Variants in DOCK10 observed in about 807,000 individuals in gnomAD.
The protein encoded by DOCK10 is dedicator of cytokinesis protein 10.
DOCK10 carries 145 observed loss-of-function variants against 280.1 expected under a neutral mutation model. The ratio of observed to expected loss-of-function variants is 0.52; its 90% CI spans 0.45 to 0.59. The LOEUF is 0.59. Among genes scored for constraint, DOCK10 ranks in the 20% least tolerant of loss-of-function variants. DOCK10 has a pLI of 0.00. For synonymous variants in DOCK10, 915 were observed against 942.2 expected (o/e 0.97, Z 0.53); for missense variants, 2,368 against 2,651.7 (o/e 0.89, Z 2.35).
intron 1 of DOCK10, among the ~76,000 whole-genome samples, chr2:224,964,481 T>C (rs980704609): frequency 1.0e-5 from 1 of 96,586 alleles, no homozygotes; most frequent in African/African-American, 3.2e-5. Context: ...TCTTTCTTTC[T>C]TCTTTTTTTT....
At chr2:225,011,349 G>C (rs539600361) in intron 1 of DOCK10, among the ~76,000 whole-genome samples, 54 of 152,310 alleles carry the variant, frequency 3.5e-4, no homozygotes, top group African/African-American at 1.3e-3. Flanking sequence ...CATGCTGGAA[G>C]TTTCAGCTTC....
intron 29 of DOCK10, among the ~76,000 whole-genome samples, chr2:224,819,077 G>T: frequency 6.6e-6 from 1 of 152,130 alleles, no homozygotes; most frequent in Non-Finnish European, 1.5e-5. Flanking sequence ...ATTTGGGTAG[G>T]GTATTCAACT....
intron 1 of DOCK10, among the ~76,000 whole-genome samples, chr2:224,961,468 T>TTCTTTCTTTCTTTC (rs10672849): frequency 0.033 from 2,201 of 66,650 alleles, 70 homozygotes; most frequent in East Asian, 0.053. Context: ...CTTTCTTTCT[T>TTCTTTCTTTCTTTC]TTTCTTTCTT....
chr2:224,833,461 T>A (rs570084521), intron 26 of DOCK10, among the ~76,000 whole-genome samples: 4 of 150,742 alleles, frequency 2.7e-5, no homozygotes, highest in East Asian at 1.9e-4. Context: ...AGCATCCCCA[T>A]GGCCAGCACC....
chr2:224,934,521 C>T (rs950455845), intron 1 of DOCK10, among the ~76,000 whole-genome samples: 3 of 152,218 alleles, frequency 2.0e-5, no homozygotes, highest in Admixed American at 6.5e-5. Flanking sequence ...CCAAAGTTGT[C>T]ACAGATGCTT....
At chr2:224,809,670 A>AC (rs1693631698) in intron 31 of DOCK10, among the ~76,000 whole-genome samples, 1 of 152,156 alleles carries the variant, frequency 6.6e-6, no homozygotes, top group African/African-American at 2.4e-5. Flanking sequence ...ATTACCTCAT[A>AC]GTTTTTAGGA....
intron 1 of DOCK10, among the ~76,000 whole-genome samples, chr2:224,999,576 T>C (rs1384377115): frequency 1.3e-5 from 2 of 150,228 alleles, no homozygotes; most frequent in African/African-American, 2.4e-5. Flanking sequence ...TGCTAGACAA[T>C]ATCCCAGGCC....
chr2:224,809,418 T>G (rs185002063), intron 31 of DOCK10, among the ~76,000 whole-genome samples: 6 of 152,132 alleles, frequency 3.9e-5, no homozygotes, highest in Admixed American at 1.3e-4. Flanking sequence ...AACTACAGAT[T>G]GGGAGAAAAT....
At chr2:224,983,865 C>T in intron 1 of DOCK10, 1 of 471,106 alleles carries the variant, frequency 2.1e-6, no homozygotes, top group East Asian at 6.9e-5. Context: ...CCCTAACTCC[C>T]TCTGGACATT....
chr2:224,853,641 C>G (rs532302007), intron 16 of DOCK10, among the ~76,000 whole-genome samples: 9 of 152,164 alleles, frequency 5.9e-5, no homozygotes, highest in African/African-American at 2.2e-4. Context: ...TCAGTAGATA[C>G]GGTTTATTTA....
intron 1 of DOCK10, among the ~76,000 whole-genome samples, chr2:224,956,286 C>T (rs891689447): frequency 4.6e-5 from 7 of 152,180 alleles, no homozygotes; most frequent in Admixed American, 4.6e-4. Flanking sequence ...TAACCAGGAG[C>T]TCAGTAGCTC....
At chr2:225,023,697 C>T (rs1689843409) in intron 1 of DOCK10, among the ~76,000 whole-genome samples, 1 of 152,132 alleles carries the variant, frequency 6.6e-6, no homozygotes, top group Non-Finnish European at 1.5e-5. Flanking sequence ...TGCACCTGCA[C>T]ACCAAGAGAT....
chr2:224,883,510 G>T (rs997220467), intron 7 of DOCK10, among the ~76,000 whole-genome samples: 20 of 152,296 alleles, frequency 1.3e-4, no homozygotes, highest in African/African-American at 4.8e-4. Context: ...GGAAGAATTA[G>T]GGGAGAAAGG....
At position 224,982,187 on chromosome 2, in the gene DOCK10, C is replaced by T. The variant is rs574069241; in HGVS notation, c.124-50519G>A. On this transcript the variant is annotated intron_variant, in intron 1 of 55. Coordinates refer to ENST00000258390, the MANE Select transcript of DOCK10 (RefSeq NM_014689.3). ...ATAACAGTTCAATCCACTGAGGCTG[C>T]TTTACCACGGATACCATACCATTAT... 2,597 of 1,231,006 alleles carry T rather than the reference C, an allele frequency of 2.1e-3. 6 individuals carry two copies. Among genetic ancestry groups the T allele is most frequent in the Middle Eastern group, 7.2e-3 (23 of 3,198 alleles). 76.3% of individuals were successfully genotyped at this position (1,231,006 alleles called of 1,614,324 possible). A position where few individuals can be genotyped will look rare whatever the true frequency, so the allele number is the denominator to read the frequency against.
chr2:224,963,928 G>A (rs1045652909), intron 1 of DOCK10, among the ~76,000 whole-genome samples: 1 of 150,540 alleles, frequency 6.6e-6, no homozygotes, highest in Non-Finnish European at 1.5e-5. Flanking sequence ...TTGATGTACA[G>A]TCCAACTGAC....
intron 4 of DOCK10, among the ~76,000 whole-genome samples, chr2:224,888,172 T>C (rs1405369564): frequency 6.6e-6 from 1 of 152,044 alleles, no homozygotes; most frequent in Non-Finnish European, 1.5e-5. Context: ...TAAGTGTCCA[T>C]TGAAAGAGGA....
intron 4 of DOCK10, among the ~76,000 whole-genome samples, chr2:224,889,363 T>C (rs551851469): frequency 3.3e-5 from 5 of 152,338 alleles, no homozygotes; most frequent in Non-Finnish European, 7.4e-5. Context: ...GGCCTCACTG[T>C]TAAACTATGA....
intron 34 of DOCK10, 96 bp downstream of exon 34, chr2:224,806,030 G>A: frequency 2.9e-6 from 2 of 680,212 alleles, no homozygotes; most frequent in Non-Finnish European, 4.9e-6. Context: ...CGTAGATTAT[G>A]CATAATAAAT....
chr2:224,880,620 A>T (rs989473723), intron 7 of DOCK10, among the ~76,000 whole-genome samples: 1 of 152,174 alleles, frequency 6.6e-6, no homozygotes, highest in African/African-American at 2.4e-5. Context: ...TATTTACATG[A>T]CTTCATAAAT....
Sources: gnomAD v4.1 joint callset for allele counts (sites outside exome capture counted in the v4.1 genomes callset) on GRCh38, gnomAD v4.1.1 for gene constraint, MANE v1.5 for transcripts, NCBI Gene and HGNC (gene_info 2026-07-23, HGNC 2026-07-21) for gene names.